Variants in PTK2B observed in about 807,000 individuals in gnomAD.
PTK2B encodes the protein protein tyrosine kinase 2 beta.
In PTK2B, 71 loss-of-function variants were observed where a neutral mutation model predicts 142.9. The observed-to-expected ratio is 0.50, with a 90% confidence interval of 0.41 to 0.61. The LOEUF (loss-of-function observed/expected upper bound fraction) is 0.61, where lower values mean the gene tolerates loss of function less well. PTK2B is among the 20% of genes least tolerant of loss of function. PTK2B has a pLI of 0.00. For synonymous variants in PTK2B, 519 were observed against 503.4 expected, an observed-to-expected ratio of 1.03 and a Z score of -0.42; for missense variants, 1,105 against 1,320.4, an observed-to-expected ratio of 0.84 and a Z score of 2.53.
chr8:27,341,213 TTTC>T lies in PTK2B; in HGVS notation c.-38+15535_-38+15537del, dbSNP rs1425643677. ...CCATCCATTTGTGCCTGGCACATGTTTTCTTGAGATAAAATTATTTTTCACAAG... is the reference window on the plus strand; with the variant it reads ...CCATCCATTTGTGCCTGGCACATGTTTTGAGATAAAATTATTTTTCACAAG... On this transcript the variant is annotated intron_variant, in intron 1 of 30. Coordinates refer to ENST00000346049, the MANE Select transcript of PTK2B (RefSeq NM_173176.3). 2.0e-5 allele frequency among the ~76,000 whole-genome samples: 3 copies of T among 152,268 alleles called. No homozygotes were observed. The East Asian group carries it at 5.8e-4, about 30-fold the overall frequency.
intron 2 of PTK2B, among the ~76,000 whole-genome samples, 157 bp from the exon 3 acceptor site, chr8:27,419,738 T>G (rs937899040): frequency 6.6e-6 from 1 of 152,244 alleles, no homozygotes; most frequent in African/African-American, 2.4e-5. Context: ...GAGCCCATTG[T>G]GTACAAATCT....
At chr8:27,416,858 G>T (rs1251179326) in intron 2 of PTK2B, among the ~76,000 whole-genome samples, 1 of 152,150 alleles carries the variant, frequency 6.6e-6, no homozygotes, top group Non-Finnish European at 1.5e-5. Context: ...ATGAAAACAT[G>T]TTCAATATCA....
At chr8:27,330,198 G>A (rs981727396) in intron 1 of PTK2B, among the ~76,000 whole-genome samples, 1 of 152,076 alleles carries the variant, frequency 6.6e-6, no homozygotes, top group African/African-American at 2.4e-5. Context: ...TAATAGCGTC[G>A]AAGTACAATA....
upstream of PTK2B, chr8:27,311,086 C>T: frequency 6.3e-7 from 1 of 1,597,136 alleles, no homozygotes. Context: ...ACACCTGCAC[C>T]TCCCAGCAGC....
chr8:27,379,386 C>T (rs900486034), intron 1 of PTK2B, among the ~76,000 whole-genome samples: 6 of 152,104 alleles, frequency 3.9e-5, no homozygotes, highest in Non-Finnish European at 7.4e-5. Context: ...GCCACCATGC[C>T]GGGGTCTTTT....
intron 1 of PTK2B, among the ~76,000 whole-genome samples, chr8:27,365,106 A>G (rs1369537374): frequency 1.3e-5 from 2 of 152,130 alleles, no homozygotes; most frequent in South Asian, 4.1e-4. Context: ...GGAAGGTCCA[A>G]CTCATATCCT....
chr8:27,397,520 C>T, intron 1 of PTK2B, 28 bp from the exon 2 acceptor site: 1 of 1,570,060 alleles, frequency 6.4e-7, no homozygotes, highest in Non-Finnish European at 8.7e-7. Flanking sequence ...GGGGCTCTTT[C>T]AGGGCTGACC....
intron 2 of PTK2B, among the ~76,000 whole-genome samples, chr8:27,406,604 A>G (rs1389401444): frequency 6.6e-6 from 1 of 152,100 alleles, no homozygotes; most frequent in Non-Finnish European, 1.5e-5. Flanking sequence ...GGCAGCGGGA[A>G]ATGTGTAGGG....
chr8:27,344,043 T>C (rs148553790), intron 1 of PTK2B, among the ~76,000 whole-genome samples: 168 of 152,250 alleles, frequency 1.1e-3, no homozygotes, highest in Non-Finnish European at 2.0e-3. Flanking sequence ...TAAAAATTTT[T>C]TCATCAGTGC....
At chr8:27,453,257 T>TA in intron 28 of PTK2B, 97 bp downstream of exon 28, 1 of 1,510,836 alleles carries the variant, frequency 6.6e-7, no homozygotes, top group Non-Finnish European at 9.2e-7. Flanking sequence ...TCAGATAGAA[T>TA]CCAGTTCAGT....
chr8:27,420,678 C>T lies in PTK2B; in HGVS notation c.405C>T (p.Tyr135=), dbSNP rs763617182. The T allele has an allele frequency of 6.2e-6, 10 of 1,614,156 alleles. No homozygotes were observed. Among genetic ancestry groups the T allele is most frequent in the Non-Finnish European group, 8.5e-6 (10 of 1,179,984 alleles). ...GCAGGTATGACCTTCAAATCCGCTA[C>T]TTGCCAGAAGACTTCATGGAGAGCC... The part of the protein sequence containing the change: ...AEWRYDLQIR[Y]LPEDFMESLK... The change falls in exon 4 of 31, where the codon TAC becomes TAT. Residue 135 remains tyrosine (Y), a synonymous_variant. Coordinates refer to ENST00000346049, the MANE Select transcript of PTK2B (RefSeq NM_173176.3).
intron 7 of PTK2B, 122 bp from the exon 8 acceptor site, chr8:27,430,754 T>G: frequency 7.3e-7 from 1 of 1,371,490 alleles, no homozygotes; most frequent in Non-Finnish European, 1.0e-6. Context: ...CACAGCTGCT[T>G]TTGGGGCAAA....
chr8:27,378,658 G>A (rs913583969), intron 1 of PTK2B, among the ~76,000 whole-genome samples: 2 of 145,642 alleles, frequency 1.4e-5, no homozygotes, highest in African/African-American at 2.5e-5. Flanking sequence ...TGTACACAAG[G>A]CAATCAGAAT....
intron 1 of PTK2B, among the ~76,000 whole-genome samples, chr8:27,384,315 A>C (rs10089637): frequency 0.39 from 58,615 of 152,056 alleles, 11,801 homozygotes; most frequent in Middle Eastern, 0.5. Flanking sequence ...TTTTCTATTT[A>C]TTTTTTAGCT....
At chr8:27,321,297 CAAAA>C (rs540916855), upstream of PTK2B, among the ~76,000 whole-genome samples, 45 of 151,984 alleles carry the variant, frequency 3.0e-4, no homozygotes, top group African/African-American at 1.0e-3. Context: ...TGCCTGGCCT[CAAAA>C]AAACATTCTT....
intron 1 of PTK2B, chr8:27,326,902 C>G (rs1803450607): frequency 6.6e-6 from 1 of 152,600 alleles, no homozygotes; most frequent in Non-Finnish European, 1.5e-5. Context: ...GGCATGGCCT[C>G]TGCTCACCAG....
At chr8:27,431,620 C>A in intron 9 of PTK2B, 148 bp downstream of exon 9, 2 of 972,730 alleles carry the variant, frequency 2.1e-6, no homozygotes, top group African/African-American at 1.6e-5. Flanking sequence ...GCGTGAGCAG[C>A]AGTGGAGAGC....
At chr8:27,415,836 A>G (rs974159771) in intron 2 of PTK2B, among the ~76,000 whole-genome samples, 3 of 152,230 alleles carry the variant, frequency 2.0e-5, no homozygotes, top group African/African-American at 7.2e-5. Flanking sequence ...AGACCTATAC[A>G]ATATATATGT....
intron 1 of PTK2B, among the ~76,000 whole-genome samples, chr8:27,389,867 G>A (rs1371249519): frequency 6.6e-6 from 1 of 152,156 alleles, no homozygotes; most frequent in Non-Finnish European, 1.5e-5. Context: ...GGGGCACTGT[G>A]AGGAGCCAGC....
Sources: gnomAD v4.1 joint callset for allele counts (sites outside exome capture counted in the v4.1 genomes callset) on GRCh38, gnomAD v4.1.1 for gene constraint, MANE v1.5 for transcripts, NCBI Gene and HGNC (gene_info 2026-07-23, HGNC 2026-07-21) for gene names.